SARS2: variants seen among roughly 807,000 people sequenced by gnomAD.
SARS2 encodes serine--tRNA ligase, mitochondrial.
Under a neutral mutation model 66.8 loss-of-function variants are expected in SARS2, and 52 were observed. The ratio of observed to expected loss-of-function variants is 0.78; its 90% CI spans 0.62 to 0.98. The LOEUF is 0.98. Ranked by LOEUF, SARS2 falls within the 50% of genes least tolerant of loss-of-function variation. The pLI, the probability that SARS2 is intolerant of heterozygous loss-of-function variation, is 0.00. For missense variants in SARS2, 673 were observed against 706.3 expected, an observed-to-expected ratio of 0.95 and a Z score of 0.53; for synonymous variants, 306 against 281.4, an observed-to-expected ratio of 1.09 and a Z score of -0.87.
In SARS2 at chr19:38,926,216, G is replaced by A. The variant is rs147412052; in HGVS notation, c.352C>T (p.Arg118Trp). The A allele has an allele frequency of 2.0e-4, 322 of 1,606,032 alleles. 1 individual carries two copies. In the African/African-American group the frequency reaches 2.6e-3, roughly 13 times the overall value. ...EEKAAVTEAV[R>W]ALLANQDSGE... ...GGCACCATGCTCACCAGCAGGGCCC[G>A]CACTGCCTCAGTCACAGCTGCCTTC... is the stretch of plus-strand genomic sequence containing the variant. Residue 118 changes from arginine to tryptophan, a missense_variant, in exon 2 of 16, where the codon CGG (arginine) becomes TGG (tryptophan). Coordinates refer to ENST00000221431, the MANE Select transcript of SARS2 (RefSeq NM_017827.4).
At chr19:38,915,812 C>T in intron 15 of SARS2, 29 bp downstream of exon 15, 3 of 1,613,368 alleles carry the variant, frequency 1.9e-6, no homozygotes, top group Non-Finnish European at 2.5e-6. Flanking sequence ...GCTGAGCTGC[C>T]TCTCTGGGTG....
chr19:38,915,998 G>C, intron 14 of SARS2, 39 bp downstream of exon 14: 1 of 1,612,246 alleles, frequency 6.2e-7, no homozygotes, highest in Non-Finnish European at 8.5e-7. Flanking sequence ...CAGAGGCTGC[G>C]GGCGAGGGCA....
chr19:38,922,337 A>G, intron 2 of SARS2, 70 bp from the exon 3 acceptor site: 1 of 1,491,786 alleles, frequency 6.7e-7, no homozygotes, highest in Non-Finnish European at 9.4e-7. Flanking sequence ...AAAAATGGTG[A>G]AAGGTCAAAC....
chr19:38,927,621 C>A (rs917287924), intron 1 of SARS2, among the ~76,000 whole-genome samples: 2 of 152,002 alleles, frequency 1.3e-5, no homozygotes, highest in African/African-American at 4.8e-5. Context: ...AACTGCCATA[C>A]GGTTTTCCAT....
chr19:38,922,201 C>A (rs372505077), intron 3 of SARS2, 37 bp downstream of exon 3: 17 of 1,612,532 alleles, frequency 1.1e-5, no homozygotes, highest in Non-Finnish European at 1.4e-5. Context: ...CCCTGCCCAC[C>A]CCCAACCCTG....
chr19:38,922,216 G>C (rs756381630), intron 3 of SARS2, 22 bp downstream of exon 3: 5 of 1,613,482 alleles, frequency 3.1e-6, no homozygotes, highest in Non-Finnish European at 3.4e-6. Flanking sequence ...ACCCTGGATA[G>C]GACATCAACT....
chr19:38,925,975 C>T (rs1447522895), intron 2 of SARS2, among the ~76,000 whole-genome samples: 1 of 152,128 alleles, frequency 6.6e-6, no homozygotes, highest in Non-Finnish European at 1.5e-5. Context: ...CACCGCCATG[C>T]CGCCTAACTT....
intron 6 of SARS2, 107 bp from the exon 7 acceptor site, chr19:38,919,974 T>G: frequency 7.3e-7 from 1 of 1,367,436 alleles, no homozygotes; most frequent in Non-Finnish European, 1.0e-6. Flanking sequence ...GGCTGGGGCA[T>G]CAAAGATTCA....
chr19:38,915,973 G>A, intron 14 of SARS2, 64 bp downstream of exon 14: 2 of 1,612,586 alleles, frequency 1.2e-6, no homozygotes, highest in Non-Finnish European at 1.7e-6. Flanking sequence ...GCCAAGGTGG[G>A]TGGGTCTAGG....
chr19:38,917,870 C>A, intron 11 of SARS2, 37 bp from the exon 12 acceptor site: 2 of 1,613,204 alleles, frequency 1.2e-6, no homozygotes, highest in Non-Finnish European at 1.7e-6. Context: ...AGGCTCTGAG[C>A]TCTTGGGGTG....
At position 38,919,907 on chromosome 19, in the gene SARS2, CTGGCAGGGAA is replaced by C. The variant is rs778039551; in HGVS notation, c.654-50_654-41del. The C allele has an allele frequency of 1.9e-6, 3 of 1,574,840 alleles. No individual in the cohort carries two copies. In the African/African-American group the frequency reaches 4.1e-5, roughly 21 times the overall value. On this transcript the variant is annotated intron_variant, in intron 6 of 15. Transcript: ENST00000221431. ...GACAGGCGGGTGCACATGGGCCAGG[CTGGCAGGGAA>C]TGTGGGGATGAAAACACCCGGGGGA...
chr19:38,925,919 C>T (rs371657508), intron 2 of SARS2, among the ~76,000 whole-genome samples: 15 of 152,118 alleles, frequency 9.9e-5, no homozygotes, highest in Non-Finnish European at 2.1e-4. Flanking sequence ...TAGGTTCAAG[C>T]GATTCTCCTG....
At chr19:38,919,034 C>G (rs1600164993) in intron 7 of SARS2, among the ~76,000 whole-genome samples, 1 of 152,242 alleles carries the variant, frequency 6.6e-6, no homozygotes, top group East Asian at 1.9e-4. Context: ...CATGGCAAAA[C>G]CCCCTCTCCA....
At chr19:38,926,184 T>G (rs1367190945) in intron 2 of SARS2, 21 bp downstream of exon 2, 14 of 1,595,392 alleles carry the variant, frequency 8.8e-6, no homozygotes, top group Non-Finnish European at 1.1e-5. Flanking sequence ...ACTCCCCACC[T>G]ACTCAGGGCA....
In SARS2 at chr19:38,918,499, G is replaced by A. The variant is rs1158296257; in HGVS notation, c.839C>T (p.Pro280Leu). Reference protein sequence around the residue: ...EGCGMTPNANPSQIYNIDPAR... With the variant: ...EGCGMTPNANLSQIYNIDPAR... ...AGGGTCGATGTTGTAAATTTGGGAT[G>A]GGTTGGCATTTGGTGTCATCCCACA... Residue 280 changes from proline (P) to leucine (L), a missense_variant, in exon 9 of 16, where the codon CCA (proline) becomes CTA (leucine). By Grantham distance (98) the Pro-to-Leu change is moderately conservative. Transcript: ENST00000221431. 26 of 1,614,082 alleles carry A rather than the reference G, an allele frequency of 1.6e-5. No homozygotes were observed. Among genetic ancestry groups the A allele is most frequent in the Non-Finnish European group, 1.9e-5 (23 of 1,180,016 alleles).
intron 2 of SARS2, among the ~76,000 whole-genome samples, chr19:38,922,585 G>A (rs1248073564): frequency 1.3e-5 from 2 of 152,142 alleles, no homozygotes; most frequent in Non-Finnish European, 2.9e-5. Context: ...TAAACCCTGT[G>A]ATATGGTTTG....
chr19:38,919,506 C>T (rs1008903318), intron 7 of SARS2, among the ~76,000 whole-genome samples: 9 of 152,252 alleles, frequency 5.9e-5, no homozygotes, highest in Admixed American at 2.0e-4. Flanking sequence ...GCTCTAGGCC[C>T]AGCTCCAGAC....
chr19:38,929,035 G>T (rs573115325), intron 1 of SARS2, among the ~76,000 whole-genome samples: 1 of 150,202 alleles, frequency 6.7e-6, no homozygotes, highest in African/African-American at 2.5e-5. Context: ...TGGCCAACAT[G>T]GTGAAACCCC....
At chr19:38,917,154 C>G (rs911020068) in intron 12 of SARS2, among the ~76,000 whole-genome samples, 5 of 151,162 alleles carry the variant, frequency 3.3e-5, no homozygotes, top group Non-Finnish European at 5.9e-5. Context: ...AAGACGAGCT[C>G]TCGCTGTGTT....
Sources: allele counts gnomAD v4.1 joint callset (sites outside exome capture counted in the v4.1 genomes callset), GRCh38; gene constraint gnomAD v4.1.1; transcripts MANE v1.5; gene names NCBI Gene and HGNC (gene_info 2026-07-23, HGNC 2026-07-21).